BCAS3: variants seen among roughly 807,000 people sequenced by gnomAD.
BCAS3 encodes BCAS3 microtubule associated cell migration factor, also known as BCAS4/BCAS3 fusion.
A neutral mutation model predicts 116.1 loss-of-function variants in BCAS3; 53 were observed. The ratio of observed to expected loss-of-function variants is 0.46; its 90% CI spans 0.37 to 0.57. The LOEUF is 0.57. Among genes scored for constraint, BCAS3 ranks in the 20% least tolerant of loss-of-function variants. BCAS3 has a pLI of 0.00. For missense variants in BCAS3, 917 were observed against 1,165.4 expected (o/e 0.79, Z 3.10); for synonymous variants, 391 against 408.2 (o/e 0.96, Z 0.51).
Position 61,346,802 on chromosome 17 carries a change from G to A in BCAS3, c.2426-21525G>A, listed in dbSNP as rs1324952255. Among the ~76,000 whole-genome samples the A allele has an allele frequency of 6.6e-6, 1 of 152,184 alleles. No individual in the cohort carries two copies. The highest frequency in any genetic ancestry group is 2.4e-5 in the African/African-American group (1 of 41,444). On this transcript the variant is annotated intron_variant, in intron 22 of 23. Transcript: ENST00000407086. The surrounding 1 kb of genome is among the most constrained non-coding windows in gnomAD (Gnocchi z 5.4). ...CAGTCTCATCTACGCTGTGTTAGAG[G>A]GTTAGCATGTGCTGTGGGGATGTGG... is the stretch of plus-strand genomic sequence containing the variant.
At position 60,967,491 on chromosome 17, in the gene BCAS3, G is replaced by A. The variant is rs1392270271; in HGVS notation, c.1221+20139G>A. Among the ~76,000 whole-genome samples, 1 of 152,178 alleles carries A rather than the reference G, an allele frequency of 6.6e-6. No homozygotes were observed. Among genetic ancestry groups the A allele is most frequent in the African/African-American group, 2.4e-5 (1 of 41,448 alleles). On this transcript the variant is annotated intron_variant, in intron 14 of 23. Transcript: ENST00000407086. This position sits in a 1 kb window ranked among gnomAD's most constrained non-coding sequence, Gnocchi z 4.7. Reference sequence around the variant, plus strand: ...TTCTCTTTGTCCTTGACCTTTGAGAGTTTCATTATTATACGTGTTAGAGTA... The same window carrying A: ...TTCTCTTTGTCCTTGACCTTTGAGAATTTCATTATTATACGTGTTAGAGTA...
intron 22 of BCAS3, among the ~76,000 whole-genome samples, chr17:61,306,905 A>AT (rs1206344244): frequency 6.6e-6 from 1 of 152,160 alleles, no homozygotes; most frequent in Admixed American, 6.5e-5. Context: ...AGAACTTTGG[A>AT]TTTTTCCCCA....
chr17:60,753,473 G>A (rs895787335), intron 6 of BCAS3, among the ~76,000 whole-genome samples: 4 of 150,734 alleles, frequency 2.7e-5, no homozygotes, highest in East Asian at 2.0e-4. Flanking sequence ...GCAGTGGCTC[G>A]ACCTCCACTC....
intron 15 of BCAS3, among the ~76,000 whole-genome samples, chr17:60,997,026 G>A (rs1483520342): frequency 6.6e-6 from 1 of 152,158 alleles, no homozygotes; most frequent in Non-Finnish European, 1.5e-5. Context: ...TGTGGGGAGG[G>A]GTGGGAGGTT....
chr17:60,901,632 A>G (rs1228583275), intron 10 of BCAS3, among the ~76,000 whole-genome samples: 1 of 152,194 alleles, frequency 6.6e-6, no homozygotes, highest in African/African-American at 2.4e-5. Context: ...ATAATATATT[A>G]CTATTGCTTT....
chr17:61,322,830 CAGAG>C (rs1237128472), intron 22 of BCAS3, among the ~76,000 whole-genome samples: 1,850 of 75,332 alleles, frequency 0.025, 67 homozygotes, highest in Admixed American at 0.13. Context: ...GAGAGAGAGA[CAGAG>C]AGAGAGAGAG....
At chr17:60,905,066 G>T (rs948803657) in intron 11 of BCAS3, among the ~76,000 whole-genome samples, 3 of 152,118 alleles carry the variant, frequency 2.0e-5, no homozygotes, top group African/African-American at 7.2e-5. Context: ...ACATAGATGT[G>T]AAAAATCCTA....
At position 61,051,656 on chromosome 17, in the gene BCAS3, G is replaced by A. The variant is rs2068869378; in HGVS notation, c.2029+10764G>A. Among the ~76,000 whole-genome samples, 1 of 152,196 alleles carries A rather than the reference G, an allele frequency of 6.6e-6. No homozygotes were observed. Among genetic ancestry groups the A allele is most frequent in the Non-Finnish European group, 1.5e-5 (1 of 68,040 alleles). On this transcript the variant is annotated intron_variant, in intron 19 of 23. Transcript: ENST00000407086. The surrounding 1 kb of genome is among the most constrained non-coding windows in gnomAD (Gnocchi z 4.1). ...TCTGTCACTCAGACTGGAGTGCAGT[G>A]TCTTAGTCATGGTTCACTGTGGCCT...
intron 12 of BCAS3, among the ~76,000 whole-genome samples, chr17:60,921,644 C>G (rs1448324713): frequency 6.7e-6 from 1 of 149,458 alleles, no homozygotes; most frequent in Non-Finnish European, 1.5e-5. Context: ...AAACATTGAC[C>G]ACACATGGAC....
chr17:60,830,153 G>A (rs970859796), intron 7 of BCAS3, among the ~76,000 whole-genome samples: 1 of 152,020 alleles, frequency 6.6e-6, no homozygotes, highest in African/African-American at 2.4e-5. Context: ...CACCACGCCC[G>A]GCTAATTTTG....
intron 6 of BCAS3, among the ~76,000 whole-genome samples, chr17:60,751,721 T>G (rs1739750959): frequency 6.6e-6 from 1 of 152,092 alleles, no homozygotes; most frequent in South Asian, 2.1e-4. Flanking sequence ...TTTTGTAATT[T>G]TAGTAGAGAC....
chr17:60,955,230 A>G (rs191694647), intron 14 of BCAS3, among the ~76,000 whole-genome samples: 60 of 152,174 alleles, frequency 3.9e-4, no homozygotes, highest in African/African-American at 1.4e-3. Context: ...ATTACCCTCA[A>G]TGCTTGAATG....
intron 7 of BCAS3, chr17:60,811,244 C>A: frequency 2.2e-6 from 2 of 897,674 alleles, no homozygotes; most frequent in Non-Finnish European, 3.5e-6. Context: ...GGGACAGCGC[C>A]AGGCCCAGGA....
rs532753609 is a variant in BCAS3 at position 61,069,878 on chromosome 17, C to T, written c.2030-5042C>T. 6.8e-5 allele frequency: 77 copies of T among 1,136,930 alleles called. 1 individual carries two copies. The South Asian group carries it at 7.6e-4, about 11-fold the overall frequency. 70.4% of individuals were successfully genotyped at this position (1,136,930 alleles called of 1,614,324 possible). On this transcript the variant is annotated intron_variant, in intron 19 of 23. Coordinates refer to ENST00000407086, the MANE Select transcript of BCAS3 (RefSeq NM_017679.5). ...AAAGACCCTTTTCACAAGATGGCGC[C>T]GAAAGCGAAGAAGGAAGCTCCTGCC... is the stretch of plus-strand genomic sequence containing the variant.
chr17:60,772,228 A>C (rs1382405637), intron 6 of BCAS3, among the ~76,000 whole-genome samples: 3 of 152,020 alleles, frequency 2.0e-5, no homozygotes, highest in Admixed American at 6.5e-5. Context: ...TTGTTTCCTG[A>C]CTTTTTAATG....
chr17:60,774,908 T>C (rs28462342), intron 6 of BCAS3, among the ~76,000 whole-genome samples: 42,173 of 152,174 alleles, frequency 0.28, 11,550 homozygotes, highest in African/African-American at 0.72. Flanking sequence ...GTTTTTTATA[T>C]ATTTTATCTG....
In BCAS3 at chr17:60,736,350, AT is replaced by A. The variant is rs1159732285; in HGVS notation, c.322-10841del. On this transcript the variant is annotated intron_variant, in intron 5 of 23. Coordinates refer to ENST00000407086, the MANE Select transcript of BCAS3 (RefSeq NM_017679.5). ...AGGCGTGTACCACCATGCCCAGCTAATTTTTTTGTATTTTTATTAGAGACGG... is the reference window on the plus strand; with the variant it reads ...AGGCGTGTACCACCATGCCCAGCTAATTTTTTGTATTTTTATTAGAGACGG... Among the ~76,000 whole-genome samples the A allele has an allele frequency of 1.8e-4, 27 of 150,726 alleles. No homozygotes were observed. The South Asian group carries it at 5.5e-3, about 30-fold the overall frequency.
At chr17:61,114,314 T>C (rs28798182) in intron 22 of BCAS3, among the ~76,000 whole-genome samples, 134,490 of 140,504 alleles carry the variant, frequency 0.96, 64,710 homozygotes, top group South Asian at 1. Context: ...TGTTTGCAGA[T>C]GACATGATTG....
chr17:61,147,300 TC>T (rs1397379570), intron 22 of BCAS3, among the ~76,000 whole-genome samples: 2 of 152,082 alleles, frequency 1.3e-5, no homozygotes, highest in East Asian at 3.9e-4. Flanking sequence ...GGTCTCAAAC[TC>T]CTGACCTCAG....
Sources: allele counts gnomAD v4.1 joint callset (sites outside exome capture counted in the v4.1 genomes callset), GRCh38; gene constraint gnomAD v4.1.1; non-coding constraint Gnocchi (gnomAD v3.1); transcripts MANE v1.5; gene names NCBI Gene and HGNC (gene_info 2026-07-23, HGNC 2026-07-21).